CLDN14: variants seen among roughly 807,000 people sequenced by gnomAD.
The protein encoded by CLDN14 is claudin 14, also known as claudin-14.
CLDN14 carries 2 observed loss-of-function variants against 2.1 expected under a neutral mutation model. The observed-to-expected ratio is 0.96, with a 90% confidence interval of 0.39 to 3.01. CLDN14 has a LOEUF of 3.01. CLDN14 is among the 30% of genes most tolerant of loss of function. The pLI is 0.09. For synonymous variants in CLDN14, 136 were observed against 154.4 expected (o/e 0.88, Z 0.88); for missense variants, 298 against 328.0 (o/e 0.91, Z 0.71).
chr21:36,531,132 G>A (rs898674069), intron 1 of CLDN14, among the ~76,000 whole-genome samples: 4 of 152,008 alleles, frequency 2.6e-5, no homozygotes, highest in Non-Finnish European at 5.9e-5. Context: ...GGAGGCCGAG[G>A]CAGGAGAATA....
chr21:36,512,132 C>G lies in CLDN14; in HGVS notation c.-219-1632G>C, dbSNP rs145215279. On this transcript the variant is annotated intron_variant, in intron 1 of 2. Transcript: ENST00000342108. ...CTAAGTTTGCAGGTAGCTGAGCGCT[C>G]TAAATTGATGACTAGCTCAGGGAGA... Among the ~76,000 whole-genome samples, 4 of 152,280 alleles carry G rather than the reference C, an allele frequency of 2.6e-5. No homozygotes were observed. The East Asian group carries it at 7.7e-4, about 29-fold the overall frequency.
At position 36,498,640 on chromosome 21, in the gene CLDN14, C is replaced by T. The variant is rs1401851470; in HGVS notation, c.-82+11723G>A. Among the ~76,000 whole-genome samples, 1 of 152,210 alleles carries T rather than the reference C, an allele frequency of 6.6e-6. No individual in the cohort carries two copies. The highest frequency in any genetic ancestry group is 1.5e-5 in the Non-Finnish European group (1 of 68,044). ...AACTGGTAGGACCGATGGCTAAGCT[C>T]TCTTCCCCTCCACCCTGGAAAAAAT... is the stretch of plus-strand genomic sequence containing the variant. On this transcript the variant is annotated intron_variant, in intron 2 of 2. Transcript: ENST00000342108. This position sits in a 1 kb window ranked among gnomAD's most constrained non-coding sequence, Gnocchi z 4.9.
chr21:36,464,113 TAGTG>T (rs1217334792), intron 1 of CLDN14, among the ~76,000 whole-genome samples: 4 of 152,264 alleles, frequency 2.6e-5, no homozygotes, highest in South Asian at 2.1e-4. Flanking sequence ...CTTCTTGTGA[TAGTG>T]AGTGAGTTCT....
At chr21:36,473,667 G>A (rs537598804) in intron 1 of CLDN14, among the ~76,000 whole-genome samples, 2 of 152,288 alleles carry the variant, frequency 1.3e-5, no homozygotes, top group South Asian at 2.1e-4. Context: ...TGTCACCACC[G>A]CATGGAGATG....
chr21:36,512,063 C>A (rs1475460678), intron 1 of CLDN14, among the ~76,000 whole-genome samples: 1 of 152,174 alleles, frequency 6.6e-6, no homozygotes, highest in African/African-American at 2.4e-5. Flanking sequence ...CTGTTAATGA[C>A]TCTGCCCTGA....
intron 2 of CLDN14, chr21:36,487,363 G>A (rs932249323): frequency 3.7e-5 from 6 of 160,886 alleles, no homozygotes; most frequent in East Asian, 1.4e-4. Flanking sequence ...TCCTCATTCT[G>A]CACATACTCA....
intron 2 of CLDN14, among the ~76,000 whole-genome samples, chr21:36,497,644 C>T (rs192574296): frequency 6.6e-5 from 10 of 152,218 alleles, no homozygotes; most frequent in Admixed American, 2.0e-4. Flanking sequence ...CCCGGAAAGC[C>T]GGAACGAAGC....
At chr21:36,513,499 TCTTTTTGTTAAAGCCAG>T (rs1334086901) in intron 1 of CLDN14, among the ~76,000 whole-genome samples, 2 of 152,190 alleles carry the variant, frequency 1.3e-5, no homozygotes, top group South Asian at 2.1e-4. Flanking sequence ...AACACATTTT[TCTTTTTGTTAAAGCCAG>T]CTGAGGTGGG....
intron 1 of CLDN14, among the ~76,000 whole-genome samples, chr21:36,549,145 GTTTT>G (rs778993757): frequency 7.0e-6 from 1 of 142,340 alleles, no homozygotes; most frequent in African/African-American, 2.6e-5. Flanking sequence ...CATAGCTGGT[GTTTT>G]TTTTTTTTTT....
intron 1 of CLDN14, among the ~76,000 whole-genome samples, chr21:36,529,671 C>G (rs1444390659): frequency 6.6e-6 from 1 of 152,182 alleles, no homozygotes; most frequent in Admixed American, 6.5e-5. Context: ...GGAAATTTTT[C>G]TGTAATAATT....
intron 1 of CLDN14, among the ~76,000 whole-genome samples, chr21:36,527,379 T>C (rs2087341371): frequency 6.6e-6 from 1 of 152,236 alleles, no homozygotes; most frequent in Non-Finnish European, 1.5e-5. Context: ...TCATATGCCT[T>C]GTGTAGCTGC....
chr21:36,482,982 T>C (rs773185592), upstream of CLDN14, among the ~76,000 whole-genome samples: 1 of 152,238 alleles, frequency 6.6e-6, no homozygotes, highest in African/African-American at 2.4e-5. Context: ...TTGCTTTAGG[T>C]ACTCCTATTA....
intron 1 of CLDN14, among the ~76,000 whole-genome samples, chr21:36,538,312 A>G (rs1474129431): frequency 2.0e-5 from 3 of 152,176 alleles, no homozygotes; most frequent in Non-Finnish European, 4.4e-5. Flanking sequence ...AAGGAAAACA[A>G]TCACCACCAC....
At chr21:36,482,562 C>G (rs115582368), upstream of CLDN14, among the ~76,000 whole-genome samples, 1,406 of 152,250 alleles carry the variant, frequency 9.2e-3, 18 homozygotes, top group African/African-American at 0.032. Flanking sequence ...CATTAGGAAG[C>G]TGGCAAAAGT....
chr21:36,466,894 T>C (rs886274366), intron 1 of CLDN14, among the ~76,000 whole-genome samples: 3 of 152,068 alleles, frequency 2.0e-5, no homozygotes, highest in Non-Finnish European at 4.4e-5. Context: ...ATACCCCTAT[T>C]CCAAATGAGA....
At chr21:36,554,699 G>A (rs550149742) in intron 1 of CLDN14, among the ~76,000 whole-genome samples, 6 of 152,258 alleles carry the variant, frequency 3.9e-5, no homozygotes, top group Admixed American at 6.5e-5. Context: ...GTTGCCAGCA[G>A]TACAGGCCTA....
At chr21:36,531,271 T>C (rs2087377502) in intron 1 of CLDN14, among the ~76,000 whole-genome samples, 1 of 151,290 alleles carries the variant, frequency 6.6e-6, no homozygotes, top group African/African-American at 2.5e-5. Flanking sequence ...GAAATAAATA[T>C]ATATATATTT....
intron 1 of CLDN14, among the ~76,000 whole-genome samples, chr21:36,469,190 A>G (rs140581369): frequency 6.6e-6 from 1 of 152,344 alleles, no homozygotes; most frequent in East Asian, 1.9e-4. Context: ...TTACAGAAAT[A>G]TGTAAGAATG....
chr21:36,472,666 A>G (rs1463722347), intron 1 of CLDN14, among the ~76,000 whole-genome samples: 2 of 152,218 alleles, frequency 1.3e-5, no homozygotes, highest in Non-Finnish European at 2.9e-5. Context: ...GACTTGCTGG[A>G]TTAAGCCACA....
Sources: allele counts gnomAD v4.1 joint callset (sites outside exome capture counted in the v4.1 genomes callset), GRCh38; gene constraint gnomAD v4.1.1; non-coding constraint Gnocchi (gnomAD v3.1); transcripts MANE v1.5; gene names NCBI Gene and HGNC (gene_info 2026-07-23, HGNC 2026-07-21).